The following COPS2 variants were observed in gnomAD, a reference collection of about 807,000 sequenced individuals.
COPS2 encodes the protein COP9 signalosome complex subunit 2.
A neutral mutation model predicts 66.1 loss-of-function variants in COPS2; 10 were observed. That is an observed-to-expected ratio of 0.15 (90% confidence interval 0.09 to 0.26). COPS2 has a LOEUF of 0.26. Among genes scored for constraint, COPS2 ranks in the 10% least tolerant of loss-of-function variants. The pLI, the probability that COPS2 is intolerant of heterozygous loss-of-function variation, is 1.00. For synonymous variants in COPS2, 179 were observed against 171.3 expected, an observed-to-expected ratio of 1.04 and a Z score of -0.35; for missense variants, 215 against 513.3, an observed-to-expected ratio of 0.42 and a Z score of 5.62.
chr15:49,128,152 G>T, intron 12 of COPS2, 58 bp from the exon 13 acceptor site: 1 of 1,530,692 alleles, frequency 6.5e-7, no homozygotes, highest in South Asian at 1.2e-5. Context: ...ACAGTTTCTG[G>T]ATTAATGTTT....
intron 3 of COPS2, among the ~76,000 whole-genome samples, chr15:49,142,191 G>A (rs906429038): frequency 6.6e-6 from 1 of 152,210 alleles, no homozygotes; most frequent in African/African-American, 2.4e-5. Context: ...AGCAGTAGGA[G>A]TAGAAAGGGT....
intron 1 of COPS2, among the ~76,000 whole-genome samples, chr15:49,149,630 AG>A (rs1308325661): frequency 1.3e-5 from 2 of 152,250 alleles, no homozygotes; most frequent in African/African-American, 4.8e-5. Flanking sequence ...AACACAACAC[AG>A]AGCAGCCAGG....
intron 1 of COPS2, among the ~76,000 whole-genome samples, chr15:49,152,094 C>CA (rs983931799): frequency 6.8e-6 from 1 of 147,628 alleles, no homozygotes; most frequent in African/African-American, 2.5e-5. Flanking sequence ...ATCAATTTTC[C>CA]AAAAAACAAT....
intron 9 of COPS2, among the ~76,000 whole-genome samples, chr15:49,132,504 T>C (rs1022394866): frequency 5.3e-5 from 8 of 150,634 alleles, no homozygotes. Flanking sequence ...TCTAATAGTG[T>C]TTTCTGTTAA....
chr15:49,153,090 CACTT>C (rs1037120726), intron 1 of COPS2, among the ~76,000 whole-genome samples: 4 of 152,036 alleles, frequency 2.6e-5, no homozygotes, highest in Non-Finnish European at 4.4e-5. Context: ...TAAGCAGAAA[CACTT>C]ACAAACACAA....
chr15:49,145,761 G>A (rs1237997646), intron 1 of COPS2, among the ~76,000 whole-genome samples: 1 of 152,002 alleles, frequency 6.6e-6, no homozygotes, highest in Non-Finnish European at 1.5e-5. Context: ...AGGCAGAAGG[G>A]AAAACTGGAA....
rs1329373370 is a variant in COPS2 at position 49,125,843 on chromosome 15, T to C, written c.*2107A>G. The C allele has an allele frequency of 1.3e-5, 2 of 152,122 alleles. No homozygotes were observed. Among genetic ancestry groups the C allele is most frequent in the Admixed American group, 6.5e-5 (1 of 15,280 alleles). 9.4% of individuals were successfully genotyped at this position (152,122 alleles called of 1,614,324 possible). A position where few individuals can be genotyped will look rare whatever the true frequency, so the allele number is the denominator to read the frequency against. On this transcript the variant is annotated 3_prime_UTR_variant, in exon 13 of 13. Transcript: ENST00000388901. Reference sequence around the variant, plus strand: ...GTTTTCCAAATAACAAGTGCATGCTTTCTCTCTAGAAAGTGGAAGATGCAC... The same window carrying C: ...GTTTTCCAAATAACAAGTGCATGCTCTCTCTCTAGAAAGTGGAAGATGCAC...
At chr15:49,134,262 G>A in intron 7 of COPS2, 78 bp downstream of exon 7, 3 of 1,487,774 alleles carry the variant, frequency 2.0e-6, no homozygotes, top group Non-Finnish European at 1.8e-6. Flanking sequence ...ATACACTGAA[G>A]TTCTAAAAAG....
chr15:49,149,100 G>C (rs907237666), intron 1 of COPS2, among the ~76,000 whole-genome samples: 1 of 152,084 alleles, frequency 6.6e-6, no homozygotes, highest in Non-Finnish European at 1.5e-5. Flanking sequence ...TCAAGCACTT[G>C]TTTTACAAGA....
intron 4 of COPS2, 118 bp from the exon 5 acceptor site, chr15:49,137,555 T>TA: frequency 5.5e-6 from 4 of 731,202 alleles, no homozygotes; most frequent in Non-Finnish European, 9.3e-6. Flanking sequence ...AGATACACTA[T>TA]CTGTATCTTA....
In COPS2 at chr15:49,144,916, T is replaced by A. The variant is rs377291659; in HGVS notation, c.168+49A>T. The A allele has an allele frequency of 3.9e-5, 40 of 1,023,640 alleles. No individual in the cohort carries two copies. In the Admixed American group the frequency reaches 8.8e-4, roughly 22 times the overall value. The allele number at this position is 1,023,640 out of a possible 1,614,324, so 63.4% of individuals were successfully genotyped here. On this transcript the variant is annotated intron_variant, in intron 2 of 12. Transcript: ENST00000388901. ...CACCTGGGACTTATTTGTTCTAGCATATCATTAAAAAAATTAACACATAGA... is the reference window on the plus strand; with the variant it reads ...CACCTGGGACTTATTTGTTCTAGCAAATCATTAAAAAAATTAACACATAGA...
intron 1 of COPS2, among the ~76,000 whole-genome samples, chr15:49,152,000 C>T (rs1032568839): frequency 1.3e-5 from 2 of 151,512 alleles, no homozygotes; most frequent in Admixed American, 6.6e-5. Context: ...TATCATTGGA[C>T]GACCAATAAA....
chr15:49,125,454 T>C lies in COPS2; in HGVS notation c.*2496A>G, dbSNP rs947183411. 1.3e-5 allele frequency: 2 copies of C among 152,106 alleles called. No homozygotes were observed. Among genetic ancestry groups the C allele is most frequent in the Non-Finnish European group, 2.9e-5 (2 of 67,952 alleles). 9.4% of individuals were successfully genotyped at this position (152,106 alleles called of 1,614,324 possible). ...ATGAGATGAACACATTACAATATGA[T>C]GTAAACCACTGGTATGGTTTTCACA... On this transcript the variant is annotated 3_prime_UTR_variant, in exon 13 of 13. Transcript: ENST00000388901.
chr15:49,151,052 T>A (rs1186681900), intron 1 of COPS2, among the ~76,000 whole-genome samples: 1 of 152,190 alleles, frequency 6.6e-6, no homozygotes, highest in African/African-American at 2.4e-5. Flanking sequence ...TTTAACCAAG[T>A]GGAATTATTC....
At chr15:49,133,284 A>G (rs960229990) in intron 9 of COPS2, among the ~76,000 whole-genome samples, 17 of 152,180 alleles carry the variant, frequency 1.1e-4, no homozygotes, top group African/African-American at 3.6e-4. Flanking sequence ...CACCACGCCC[A>G]GCCTATCCAT....
Position 49,128,965 on chromosome 15 carries a change from C to A in COPS2, c.1129-205G>T, listed in dbSNP as rs562100218. Among the ~76,000 whole-genome samples the A allele has an allele frequency of 2.0e-5, 3 of 152,236 alleles. No homozygotes were observed. In the East Asian group the frequency reaches 5.8e-4, roughly 29 times the overall value. The stretch of plus-strand genomic sequence containing the variant: ...AAATTTTTAACTTCTGAAGCACATT[C>A]CTGCAACAATTTTATTGTGGTTGAA... On this transcript the variant is annotated intron_variant, in intron 11 of 12. Coordinates refer to ENST00000388901, the MANE Select transcript of COPS2 (RefSeq NM_004236.4).
Position 49,133,817 on chromosome 15 carries a change from C to G in COPS2, c.895-6G>C. On this transcript the variant is annotated splice_polypyrimidine_tract_variant and splice_region_variant and intron_variant, in intron 8 of 12. Coordinates refer to ENST00000388901, the MANE Select transcript of COPS2 (RefSeq NM_004236.4). ...TCATTTTTGTACGGCTTGGCCTAAA[C>G]ACAGTAAAGAAAAAAATTAAATATA... 6.3e-7 allele frequency: 1 copy of G among 1,580,948 alleles called. No homozygotes were observed. Among genetic ancestry groups the G allele is most frequent in the Middle Eastern group, 1.8e-4 (1 of 5,682 alleles).
chr15:49,149,042 GAA>G (rs1241357731), intron 1 of COPS2, among the ~76,000 whole-genome samples: 2 of 152,056 alleles, frequency 1.3e-5, no homozygotes, highest in East Asian at 3.8e-4. Flanking sequence ...AGTATATAAA[GAA>G]TGCTTTAAAA....
intron 10 of COPS2, 64 bp downstream of exon 10, chr15:49,130,652 CATT>C (rs1595819447): frequency 5.6e-6 from 5 of 887,370 alleles, no homozygotes; most frequent in Non-Finnish European, 9.1e-6. Flanking sequence ...CATGCAGCTT[CATT>C]AAGTGGCATT....
Sources: allele counts gnomAD v4.1 joint callset (sites outside exome capture counted in the v4.1 genomes callset), GRCh38; gene constraint gnomAD v4.1.1; transcripts MANE v1.5; gene names NCBI Gene and HGNC (gene_info 2026-07-23, HGNC 2026-07-21).